The following RNF180 variants were observed in gnomAD, a reference collection of about 807,000 sequenced individuals.
The protein encoded by RNF180 is E3 ubiquitin-protein ligase RNF180.
A neutral mutation model predicts 59.2 loss-of-function variants in RNF180; 38 were observed. The ratio of observed to expected loss-of-function variants is 0.64; its 90% CI spans 0.50 to 0.84. The LOEUF is 0.84. RNF180 is among the 40% of genes least tolerant of loss of function. The probability of loss-of-function intolerance (pLI) is 0.00; values close to 1 mark genes in which losing one functional copy is unlikely to be tolerated. For synonymous variants in RNF180, 262 were observed against 240.3 expected (o/e 1.09, Z -0.84); for missense variants, 705 against 700.9 (o/e 1.01, Z -0.07).
chr5:64,248,031 G>A (rs1329620229), intron 5 of RNF180, among the ~76,000 whole-genome samples: 1 of 152,150 alleles, frequency 6.6e-6, no homozygotes, highest in Non-Finnish European at 1.5e-5. Flanking sequence ...TTTAATAAAT[G>A]TTTTTGGGAA....
intron 2 of RNF180, among the ~76,000 whole-genome samples, chr5:64,211,740 A>G (rs1417369074): frequency 1.3e-5 from 2 of 152,174 alleles, no homozygotes; most frequent in Non-Finnish European, 2.9e-5. Context: ...TTGCCATGAA[A>G]GACACTATTT....
chr5:64,237,153 C>G (rs1742492823), intron 5 of RNF180, among the ~76,000 whole-genome samples: 1 of 152,192 alleles, frequency 6.6e-6, no homozygotes, highest in Non-Finnish European at 1.5e-5. Flanking sequence ...GGAAAAACCA[C>G]AGGCATTCAG....
chr5:64,359,812 A>G (rs1457393629), intron 7 of RNF180, among the ~76,000 whole-genome samples: 2 of 151,928 alleles, frequency 1.3e-5, no homozygotes, highest in Non-Finnish European at 2.9e-5. Context: ...TGATTTTTGT[A>G]TAAGGTGTAA....
chr5:64,266,931 TG>T (rs780346228), intron 5 of RNF180, among the ~76,000 whole-genome samples: 142 of 152,302 alleles, frequency 9.3e-4, no homozygotes, highest in Non-Finnish European at 1.9e-3. Context: ...TGAATGTATG[TG>T]GCAGCAAAAC....
At chr5:64,369,486 G>A (rs528529677) in intron 7 of RNF180, 129 bp from the exon 8 acceptor site, 1 of 505,168 alleles carries the variant, frequency 2.0e-6, no homozygotes, top group Non-Finnish European at 3.4e-6. Flanking sequence ...AGAAAAAACT[G>A]TCAGGAATAC....
intron 2 of RNF180, among the ~76,000 whole-genome samples, chr5:64,208,935 C>A (rs1429694164): frequency 6.6e-6 from 1 of 151,988 alleles, no homozygotes; most frequent in East Asian, 1.9e-4. Flanking sequence ...ACATACCTCT[C>A]CCTACATAAA....
chr5:64,317,529 T>C (rs904047475), intron 5 of RNF180, among the ~76,000 whole-genome samples: 1 of 148,914 alleles, frequency 6.7e-6, no homozygotes, highest in South Asian at 2.1e-4. Context: ...AAGTGAGGTG[T>C]ATATATATGT....
At chr5:64,190,897 G>A (rs1465502403) in intron 1 of RNF180, among the ~76,000 whole-genome samples, 1 of 152,054 alleles carries the variant, frequency 6.6e-6, no homozygotes, top group Admixed American at 6.5e-5. Context: ...TGTTGTTTAA[G>A]CCCCCTAGTC....
Position 64,346,914 on chromosome 5 carries a change from T to A in RNF180, c.1579+16508T>A, listed in dbSNP as rs2112574227. On this transcript the variant is annotated intron_variant, in intron 7 of 7. Transcript: ENST00000389100. ...AGAATGGAAAGGTACCTTGAAAGAT[T>A]ATTTTGTTTATTCTCTGACTTGTTT... Among the ~76,000 whole-genome samples the A allele has an allele frequency of 2.0e-5, 3 of 152,290 alleles. 1 individual carries two copies. The South Asian group carries it at 6.2e-4, about 32-fold the overall frequency.
intron 2 of RNF180, among the ~76,000 whole-genome samples, chr5:64,202,816 G>A (rs1751820608): frequency 6.6e-6 from 1 of 152,150 alleles, no homozygotes; most frequent in African/African-American, 2.4e-5. Flanking sequence ...ACTCTTTGAG[G>A]AAGATAACCT....
intron 1 of RNF180, among the ~76,000 whole-genome samples, chr5:64,182,181 C>T (rs1482386839): frequency 6.6e-6 from 1 of 151,862 alleles, no homozygotes. Flanking sequence ...TTAATAGAGA[C>T]GGAGTTTCAC....
chr5:64,362,316 CTTATAAGT>C (rs952647585), intron 7 of RNF180, among the ~76,000 whole-genome samples: 5 of 151,742 alleles, frequency 3.3e-5, no homozygotes, highest in African/African-American at 9.7e-5. Flanking sequence ...TTAGCTCTCA[CTTATAAGT>C]GAGAACATGT....
At chr5:64,198,210 G>A (rs1031753811) in intron 1 of RNF180, among the ~76,000 whole-genome samples, 6 of 151,712 alleles carry the variant, frequency 4.0e-5, no homozygotes, top group Admixed American at 6.6e-5. Context: ...TTTTTTCTAC[G>A]AAGACTTCAA....
intron 2 of RNF180, among the ~76,000 whole-genome samples, chr5:64,209,865 A>G (rs1301229210): frequency 6.6e-6 from 1 of 152,106 alleles, no homozygotes; most frequent in African/African-American, 2.4e-5. Flanking sequence ...CACAAAATTA[A>G]TTCTACTTTT....
At chr5:64,358,644 A>AT (rs200510834) in intron 7 of RNF180, among the ~76,000 whole-genome samples, 2,132 of 150,976 alleles carry the variant, frequency 0.014, 43 homozygotes, top group African/African-American at 0.044. Context: ...TAAGAATTCT[A>AT]TTTTTTTTTA....
chr5:64,248,186 A>G (rs1743310500), intron 5 of RNF180, among the ~76,000 whole-genome samples: 1 of 152,352 alleles, frequency 6.6e-6, no homozygotes, highest in East Asian at 1.9e-4. Flanking sequence ...ACCATCCAGG[A>G]CATAGGCGTG....
At chr5:64,317,893 G>A (rs6449710) in intron 5 of RNF180, among the ~76,000 whole-genome samples, 68,247 of 151,948 alleles carry the variant, frequency 0.45, 16,722 homozygotes, top group African/African-American at 0.65. Context: ...TGCTCAGAAC[G>A]TTTCCATTAG....
At chr5:64,187,634 A>G (rs571863331) in intron 1 of RNF180, among the ~76,000 whole-genome samples, 49 of 152,304 alleles carry the variant, frequency 3.2e-4, no homozygotes, top group African/African-American at 1.2e-3. Context: ...CAGTTTAGAA[A>G]TCACCTGACA....
intron 5 of RNF180, among the ~76,000 whole-genome samples, chr5:64,287,352 A>G (rs753121760): frequency 6.6e-6 from 1 of 152,204 alleles, no homozygotes; most frequent in Non-Finnish European, 1.5e-5. Flanking sequence ...GCACAAATAT[A>G]GTTATTATTA....
Sources: allele counts gnomAD v4.1 joint callset (sites outside exome capture counted in the v4.1 genomes callset), GRCh38; gene constraint gnomAD v4.1.1; transcripts MANE v1.5; gene names NCBI Gene and HGNC (gene_info 2026-07-23, HGNC 2026-07-21).